Variants in CDH23 observed in about 807,000 individuals in gnomAD.
CDH23 encodes cadherin-23.
CDH23 carries 189 observed loss-of-function variants against 317.1 expected under a neutral mutation model. The observed-to-expected ratio is 0.60, with a 90% CI of 0.53 to 0.67. CDH23 has a LOEUF of 0.67. Ranked by LOEUF, CDH23 falls within the 30% of genes least tolerant of loss-of-function variation. The probability of loss-of-function intolerance (pLI) is 0.00; values close to 1 mark genes in which losing one functional copy is unlikely to be tolerated. For missense variants in CDH23, 4,401 were observed against 4,592.4 expected (o/e 0.96, Z 1.20); for synonymous variants, 1,839 against 1,876.8 (o/e 0.98, Z 0.52).
chr10:71,537,353 A>T (rs1041875083), intron 6 of CDH23, among the ~76,000 whole-genome samples: 5 of 152,230 alleles, frequency 3.3e-5, no homozygotes, highest in African/African-American at 1.2e-4. Flanking sequence ...CAGGGATCTG[A>T]CACGGTGGGG....
chr10:71,614,576 C>A (rs924114848), intron 9 of CDH23, among the ~76,000 whole-genome samples: 25 of 152,172 alleles, frequency 1.6e-4, no homozygotes, highest in African/African-American at 5.3e-4. Flanking sequence ...GAAGGGAGAT[C>A]CAATGAACAC....
intron 3 of CDH23, among the ~76,000 whole-genome samples, chr10:71,499,896 A>G (rs535218776): frequency 4.9e-4 from 75 of 152,134 alleles, no homozygotes; most frequent in Middle Eastern, 3.4e-3. Context: ...ACCCGCTTGT[A>G]ATCCCAGCTA....
chr10:71,596,705 G>A (rs1213201131), intron 9 of CDH23, among the ~76,000 whole-genome samples: 1 of 152,220 alleles, frequency 6.6e-6, no homozygotes, highest in African/African-American at 2.4e-5. Flanking sequence ...GAAGCAGATG[G>A]GAATGGGTCA....
At position 71,522,990 on chromosome 10, in the gene CDH23, G is replaced by A. The variant is rs542163690; in HGVS notation, c.429+11778G>A. Among the ~76,000 whole-genome samples, 6 of 152,244 alleles carry A rather than the reference G, an allele frequency of 3.9e-5. No individual in the cohort carries two copies. The South Asian group carries it at 1.0e-3, about 26-fold the overall frequency. ...TCACACAGCTTGTCTCACATCTTACGGCTCTTGTCTGCCCCCCAAAGCAAG... is the reference window on the plus strand; with the variant it reads ...TCACACAGCTTGTCTCACATCTTACAGCTCTTGTCTGCCCCCCAAAGCAAG... On this transcript the variant is annotated intron_variant, in intron 6 of 69. Transcript: ENST00000224721.
At chr10:71,739,497 A>G in intron 35 of CDH23, 147 bp from the exon 36 acceptor site, 1 of 928,240 alleles carries the variant, frequency 1.1e-6, no homozygotes, top group Non-Finnish European at 1.6e-6. Flanking sequence ...GAGATGAATC[A>G]CTTCTGCTTA....
chr10:71,478,872 C>G (rs10823765), intron 3 of CDH23, among the ~76,000 whole-genome samples: 77,155 of 152,164 alleles, frequency 0.51, 20,923 homozygotes, highest in African/African-American at 0.7. Context: ...TGGCCAAAAA[C>G]AAGGTCTTTT....
chr10:71,773,500 G>C, intron 38 of CDH23: 1 of 1,504,096 alleles, frequency 6.6e-7, no homozygotes, highest in Non-Finnish European at 9.0e-7. Context: ...CGCGGCCGGC[G>C]CGGGGAAGCC....
At chr10:71,522,890 G>A (rs910432639) in intron 6 of CDH23, among the ~76,000 whole-genome samples, 1 of 152,142 alleles carries the variant, frequency 6.6e-6, no homozygotes, top group African/African-American at 2.4e-5. Flanking sequence ...CTTCCAGTTG[G>A]TAAGAAAGGT....
chr10:71,594,279 T>C (rs531019289), intron 9 of CDH23, among the ~76,000 whole-genome samples: 1 of 152,324 alleles, frequency 6.6e-6, no homozygotes, highest in Non-Finnish European at 1.5e-5. Flanking sequence ...TCCTCAAAAA[T>C]GTTTGTGGAA....
At chr10:71,776,176 C>A (rs1310168058) in intron 38 of CDH23, among the ~76,000 whole-genome samples, 1 of 152,228 alleles carries the variant, frequency 6.6e-6, no homozygotes, top group African/African-American at 2.4e-5. Flanking sequence ...CCAACCCTAT[C>A]TGCTTTGGAA....
intron 34 of CDH23, among the ~76,000 whole-genome samples, chr10:71,736,517 AG>A (rs1187111462): frequency 6.6e-6 from 1 of 152,164 alleles, no homozygotes; most frequent in African/African-American, 2.4e-5. Flanking sequence ...TCAGGCCTTC[AG>A]GGGGTAGGGG....
chr10:71,619,823 C>T (rs2132526165), intron 11 of CDH23, among the ~76,000 whole-genome samples: 1 of 152,310 alleles, frequency 6.6e-6, no homozygotes, highest in South Asian at 2.1e-4. Flanking sequence ...AGAAGGAAGA[C>T]AGCTTGTGTG....
intron 6 of CDH23, among the ~76,000 whole-genome samples, chr10:71,556,135 G>A (rs1856863317): frequency 6.6e-6 from 1 of 152,224 alleles, no homozygotes; most frequent in Non-Finnish European, 1.5e-5. Flanking sequence ...CCTCAGTGGA[G>A]CAGTAGTGAA....
intron 6 of CDH23, among the ~76,000 whole-genome samples, chr10:71,548,432 A>T (rs1293243563): frequency 1.3e-5 from 2 of 152,084 alleles, no homozygotes; most frequent in African/African-American, 4.8e-5. Flanking sequence ...CTTCATGTAG[A>T]TCTTGGTCAG....
intron 6 of CDH23, among the ~76,000 whole-genome samples, chr10:71,516,043 T>C (rs903188007): frequency 6.6e-6 from 1 of 152,244 alleles, no homozygotes; most frequent in Admixed American, 6.5e-5. Flanking sequence ...TCAGGGATCC[T>C]ATAGCTTATT....
intron 11 of CDH23, chr10:71,622,826 G>A (rs969200381): frequency 4.3e-6 from 2 of 465,000 alleles, no homozygotes; most frequent in African/African-American, 2.1e-5. Flanking sequence ...AGGGATCGGG[G>A]TAGGGATTGG....
chr10:71,805,734 G>C, intron 55 of CDH23, 72 bp from the exon 56 acceptor site: 1 of 1,432,208 alleles, frequency 7.0e-7, no homozygotes, highest in Non-Finnish European at 9.4e-7. Flanking sequence ...GAAAGAGCAA[G>C]GGCTCCCTCA....
chr10:71,755,324 C>T (rs771476432), intron 38 of CDH23: 4 of 1,575,588 alleles, frequency 2.5e-6, no homozygotes, highest in South Asian at 1.1e-5. Context: ...GTCACTCGCA[C>T]CGTCCACCCA....
chr10:71,793,349 A>G lies in CDH23; in HGVS notation c.6421A>G (p.Arg2141Gly), dbSNP rs376414352. ...TIDREEQESY[R>G]LTVVATDRGT... Reference sequence around the variant, plus strand: ...CGACAGAGAGGAGCAGGAGTCCTACAGGCTAACGGTGGTGGCCACCGACCG... The same window carrying G: ...CGACAGAGAGGAGCAGGAGTCCTACGGGCTAACGGTGGTGGCCACCGACCG... Residue 2141 changes from arginine (R) to glycine (G), a missense_variant, in exon 48 of 70, where the codon AGG (arginine) becomes GGG (glycine). By Grantham distance (125) the Arg-to-Gly change is moderately radical. This residue lies in a region of CDH23 where 3,068 missense variants were observed against 3,203.3 expected (regional missense o/e 0.96). Coordinates refer to ENST00000224721, the MANE Select transcript of CDH23 (RefSeq NM_022124.6). 203 of 1,613,864 alleles carry G rather than the reference A, an allele frequency of 1.3e-4. 1 individual carries two copies. The highest frequency in any genetic ancestry group is 5.5e-4 in the Admixed American group (33 of 60,004).
Sources: gnomAD v4.1 joint callset for allele counts (sites outside exome capture counted in the v4.1 genomes callset) on GRCh38, gnomAD v4.1.1 for gene constraint, gnomAD v4.1.1 regional missense constraint, MANE v1.5 for transcripts, NCBI Gene and HGNC (gene_info 2026-07-23, HGNC 2026-07-21) for gene names.